Variants in ARHGAP44 observed in about 807,000 individuals in gnomAD.
ARHGAP44 encodes the protein Rho GTPase activating protein 44, also known as rho GTPase-activating protein 44.
A neutral mutation model predicts 106.8 loss-of-function variants in ARHGAP44; 43 were observed. The ratio of observed to expected loss-of-function variants is 0.40; its 90% CI spans 0.32 to 0.52. ARHGAP44 has a LOEUF of 0.52. ARHGAP44 is among the 20% of genes least tolerant of loss of function. The pLI, the probability that ARHGAP44 is intolerant of heterozygous loss-of-function variation, is 0.48. For missense variants in ARHGAP44, 866 were observed against 1,050.5 expected (o/e 0.82, Z 2.43); for synonymous variants, 439 against 410.3 (o/e 1.07, Z -0.85).
At chr17:12,944,652 A>ATTTTTTT (rs5819393) in intron 10 of ARHGAP44, among the ~76,000 whole-genome samples, 1 of 137,458 alleles carries the variant, frequency 7.3e-6, no homozygotes, top group Non-Finnish European at 1.6e-5. Flanking sequence ...CGCCCAGCTA[A>ATTTTTTT]TTTTTTTTTT....
At chr17:12,956,118 C>T in intron 14 of ARHGAP44, 138 bp downstream of exon 14, 1 of 624,916 alleles carries the variant, frequency 1.6e-6, no homozygotes, top group Non-Finnish European at 2.9e-6. Context: ...TGGCCTGCTC[C>T]TCTTTTAGGC....
intron 18 of ARHGAP44, among the ~76,000 whole-genome samples, chr17:12,979,108 G>A (rs747587841): frequency 1.2e-4 from 18 of 152,200 alleles, no homozygotes; most frequent in Non-Finnish European, 1.0e-4. Context: ...GATGACAGAT[G>A]GCTCCCAACT....
intron 1 of ARHGAP44, among the ~76,000 whole-genome samples, chr17:12,865,412 C>G (rs2036208238): frequency 6.6e-6 from 1 of 152,222 alleles, no homozygotes; most frequent in Non-Finnish European, 1.5e-5. Context: ...GAGTTTATTA[C>G]TTGTGTAATT....
intron 18 of ARHGAP44, among the ~76,000 whole-genome samples, chr17:12,978,835 C>T (rs1274479781): frequency 1.3e-5 from 2 of 152,090 alleles, no homozygotes; most frequent in African/African-American, 2.4e-5. Flanking sequence ...ATTACAGGCA[C>T]ATGTCACCAC....
At chr17:12,989,966 C>G in intron 20 of ARHGAP44, 66 bp from the exon 21 acceptor site, 1 of 1,576,666 alleles carries the variant, frequency 6.3e-7, no homozygotes, top group Non-Finnish European at 8.7e-7. Flanking sequence ...CATTATTTGC[C>G]TACAACTAGG....
intron 3 of ARHGAP44, among the ~76,000 whole-genome samples, chr17:12,896,903 G>A (rs1156944627): frequency 6.6e-6 from 1 of 152,058 alleles, no homozygotes; most frequent in Non-Finnish European, 1.5e-5. Context: ...AGATCTCATG[G>A]AAAAAAAGTG....
chr17:12,952,648 C>A, intron 13 of ARHGAP44, 67 bp downstream of exon 13: 1 of 1,238,844 alleles, frequency 8.1e-7, no homozygotes, highest in Non-Finnish European at 1.1e-6. Context: ...GATACAACTG[C>A]CCGGGTAAAA....
At chr17:12,862,119 T>C (rs1170590185) in intron 1 of ARHGAP44, among the ~76,000 whole-genome samples, 1 of 152,158 alleles carries the variant, frequency 6.6e-6, no homozygotes, top group East Asian at 1.9e-4. Context: ...TTTTGTCTAC[T>C]ACAGTCAGTG....
At chr17:12,940,254 C>T (rs141919877) in intron 7 of ARHGAP44, among the ~76,000 whole-genome samples, 10 of 152,218 alleles carry the variant, frequency 6.6e-5, no homozygotes, top group South Asian at 2.1e-4. Flanking sequence ...CCTTAGAGAT[C>T]GTATGACTTG....
chr17:12,925,898 C>G lies in ARHGAP44; in HGVS notation c.465-3031C>G, dbSNP rs147401835. The stretch of plus-strand genomic sequence containing the variant: ...GTGTTACTTTTCCCAAAATGACTAT[C>G]TGTACAAAATTTTCCCAACATGACT... On this transcript the variant is annotated intron_variant, in intron 6 of 20. Coordinates refer to ENST00000379672, the MANE Select transcript of ARHGAP44 (RefSeq NM_014859.6). 2.5e-3 allele frequency among the ~76,000 whole-genome samples: 383 copies of G among 152,142 alleles called. 2 individuals carry two copies. The highest frequency in any genetic ancestry group is 8.7e-3 in the African/African-American group (359 of 41,492).
chr17:12,811,143 T>C (rs937642639), intron 1 of ARHGAP44, among the ~76,000 whole-genome samples: 2 of 151,760 alleles, frequency 1.3e-5, no homozygotes, highest in African/African-American at 4.8e-5. Flanking sequence ...AAACCCCATC[T>C]CTACTAAAAA....
rs57910593 is a variant in ARHGAP44, at chr17:12,973,489, A to G, written c.1541+170A>G. ...AATAGAATCAGAGCCCAGAGGGACCATAGGCACAAGCAGCCCCTTCCCTGC... is the reference window on the plus strand; with the variant it reads ...AATAGAATCAGAGCCCAGAGGGACCGTAGGCACAAGCAGCCCCTTCCCTGC... On this transcript the variant is annotated intron_variant, in intron 17 of 20. Transcript: ENST00000379672. The G allele has an allele frequency of 2.0e-4, 138 of 691,802 alleles. No homozygotes were observed. The African/African-American group carries it at 2.3e-3, about 12-fold the overall frequency. 42.9% of individuals were successfully genotyped at this position (691,802 alleles called of 1,614,324 possible).
intron 1 of ARHGAP44, among the ~76,000 whole-genome samples, chr17:12,839,943 C>T (rs1196583913): frequency 6.6e-6 from 1 of 152,222 alleles, no homozygotes; most frequent in African/African-American, 2.4e-5. Flanking sequence ...CCGCCATTCA[C>T]ACTTAGTTAT....
chr17:12,888,123 T>C (rs997446535), intron 1 of ARHGAP44, among the ~76,000 whole-genome samples: 5 of 152,102 alleles, frequency 3.3e-5, no homozygotes, highest in African/African-American at 1.2e-4. Context: ...TTTTCTTCCC[T>C]TATGCTATAA....
At position 12,949,846 on chromosome 17, in the gene ARHGAP44, A is replaced by G. The variant is rs1048622506; in HGVS notation, c.1055+116A>G. The stretch of plus-strand genomic sequence containing the variant: ...GCAACCCCGTTTCTTGATCTCTGCC[A>G]TGAAGGAGTGCTTATACATTTGCCC... On this transcript the variant is annotated intron_variant, in intron 12 of 20. Coordinates refer to ENST00000379672, the MANE Select transcript of ARHGAP44 (RefSeq NM_014859.6). The surrounding 1 kb of genome is among the most constrained non-coding windows in gnomAD (Gnocchi z 4.1). 3.5e-5 allele frequency: 35 copies of G among 995,192 alleles called. No homozygotes were observed. Among genetic ancestry groups the G allele is most frequent in the Middle Eastern group, 4.7e-4 (2 of 4,222 alleles). The allele number at this position is 995,192 out of a possible 1,614,324, so 61.6% of individuals were successfully genotyped here. A position where few individuals can be genotyped will look rare whatever the true frequency, so the allele number is the denominator to read the frequency against.
chr17:12,881,414 TTAAA>T (rs1431956017), intron 1 of ARHGAP44, among the ~76,000 whole-genome samples: 1 of 152,128 alleles, frequency 6.6e-6, no homozygotes, highest in Non-Finnish European at 1.5e-5. Context: ...GCACTACTAA[TTAAA>T]TAAGTCATGT....
At chr17:12,905,815 C>T (rs1189659358) in intron 3 of ARHGAP44, among the ~76,000 whole-genome samples, 1 of 152,162 alleles carries the variant, frequency 6.6e-6, no homozygotes. Context: ...TATCACAAAC[C>T]AGAATGGTCT....
chr17:12,905,604 G>A (rs1362860759), intron 3 of ARHGAP44, among the ~76,000 whole-genome samples: 1 of 152,104 alleles, frequency 6.6e-6, no homozygotes, highest in Non-Finnish European at 1.5e-5. Flanking sequence ...TCACTGACAG[G>A]ATAATCTGAC....
intron 6 of ARHGAP44, among the ~76,000 whole-genome samples, chr17:12,920,098 C>T (rs56924804): frequency 0.22 from 33,145 of 151,780 alleles, 6,177 homozygotes; most frequent in African/African-American, 0.5. Context: ...AAAATGTGGC[C>T]GGGTGCAGTG....
Sources: allele counts gnomAD v4.1 joint callset (sites outside exome capture counted in the v4.1 genomes callset), GRCh38; gene constraint gnomAD v4.1.1; non-coding constraint Gnocchi (gnomAD v3.1); transcripts MANE v1.5; gene names NCBI Gene and HGNC (gene_info 2026-07-23, HGNC 2026-07-21).